RGS7: variants seen among roughly 807,000 people sequenced by gnomAD.
RGS7 encodes regulator of G-protein signaling 7.
RGS7 carries 27 observed loss-of-function variants against 81.1 expected under a neutral mutation model. The ratio of observed to expected loss-of-function variants is 0.33; its 90% CI spans 0.25 to 0.46. The LOEUF (loss-of-function observed/expected upper bound fraction) is 0.46, where lower values mean the gene tolerates loss of function less well. RGS7 is among the 20% of genes least tolerant of loss of function. The pLI, the probability that RGS7 is intolerant of heterozygous loss-of-function variation, is 1.00. For missense variants in RGS7, 396 were observed against 607.4 expected, an observed-to-expected ratio of 0.65 and a Z score of 3.66; for synonymous variants, 208 against 207.7, an observed-to-expected ratio of 1.00 and a Z score of -0.01.
chr1:241,199,740 CTA>C (rs1373375882), intron 2 of RGS7, among the ~76,000 whole-genome samples: 1 of 150,598 alleles, frequency 6.6e-6, no homozygotes, highest in African/African-American at 2.4e-5. Flanking sequence ...CAGATATCTA[CTA>C]TGTTTCTCTA....
At chr1:241,166,372 A>G (rs1047171966) in intron 2 of RGS7, among the ~76,000 whole-genome samples, 2 of 152,180 alleles carry the variant, frequency 1.3e-5, no homozygotes, top group African/African-American at 4.8e-5. Flanking sequence ...ATGTAATAAG[A>G]TAAGATTGAA....
At chr1:241,261,085 A>T (rs79903442) in intron 2 of RGS7, among the ~76,000 whole-genome samples, 1 of 152,134 alleles carries the variant, frequency 6.6e-6, no homozygotes, top group Non-Finnish European at 1.5e-5. Context: ...TTAAAAAAAA[A>T]TTAAAACAAA....
At chr1:241,292,832 A>T (rs749676440) in intron 2 of RGS7, among the ~76,000 whole-genome samples, 10 of 152,230 alleles carry the variant, frequency 6.6e-5, no homozygotes, top group Non-Finnish European at 1.3e-4. Context: ...CACAGAAACA[A>T]TTATTCTGAA....
intron 2 of RGS7, among the ~76,000 whole-genome samples, chr1:241,339,570 T>G (rs79772908): frequency 0.036 from 5,480 of 152,266 alleles, 352 homozygotes; most frequent in African/African-American, 0.12. Flanking sequence ...AAGCTAATTT[T>G]TCTGTAGCAA....
At chr1:241,300,670 A>C (rs1454142022) in intron 2 of RGS7, among the ~76,000 whole-genome samples, 1 of 152,228 alleles carries the variant, frequency 6.6e-6, no homozygotes, top group African/African-American at 2.4e-5. Context: ...CCACTAAAAG[A>C]CATTTTGGTT....
At chr1:241,350,116 G>A (rs747925259) in intron 2 of RGS7, among the ~76,000 whole-genome samples, 38 of 152,068 alleles carry the variant, frequency 2.5e-4, no homozygotes, top group East Asian at 1.9e-4. Context: ...AACTGGCAAG[G>A]AAAGAGCTCA....
intron 2 of RGS7, among the ~76,000 whole-genome samples, chr1:241,229,500 A>C (rs979557880): frequency 1.3e-5 from 2 of 152,194 alleles, no homozygotes; most frequent in African/African-American, 4.8e-5. Context: ...ATCCGGTGCC[A>C]TCTGTCTGTG....
chr1:241,275,479 T>C (rs183727535), intron 2 of RGS7, among the ~76,000 whole-genome samples: 73 of 152,328 alleles, frequency 4.8e-4, no homozygotes, highest in African/African-American at 1.7e-3. Flanking sequence ...TGGCATCCTA[T>C]GGTAGGATCC....
intron 2 of RGS7, among the ~76,000 whole-genome samples, chr1:241,267,304 C>T (rs1229427665): frequency 6.6e-6 from 1 of 152,204 alleles, no homozygotes; most frequent in Non-Finnish European, 1.5e-5. Context: ...TAGATGACTG[C>T]ACCTGATTAC....
chr1:241,223,049 T>G (rs1260930322), intron 2 of RGS7, among the ~76,000 whole-genome samples: 1 of 152,218 alleles, frequency 6.6e-6, no homozygotes, highest in African/African-American at 2.4e-5. Flanking sequence ...CACATTTTCT[T>G]TATCCAGTCT....
intron 4 of RGS7, among the ~76,000 whole-genome samples, chr1:240,975,432 C>T (rs202010996): frequency 6.8e-6 from 1 of 147,990 alleles, no homozygotes; most frequent in Non-Finnish European, 1.5e-5. Context: ...AACAAAAAAA[C>T]ACAGAAATGC....
intron 4 of RGS7, among the ~76,000 whole-genome samples, chr1:240,970,889 G>A (rs1338356939): frequency 1.3e-5 from 2 of 152,136 alleles, no homozygotes; most frequent in African/African-American, 4.8e-5. Context: ...TGAGACAGGA[G>A]AATTCCTTGA....
chr1:240,907,153 G>C (rs957140829), intron 6 of RGS7, among the ~76,000 whole-genome samples: 3 of 152,092 alleles, frequency 2.0e-5, no homozygotes, highest in Non-Finnish European at 4.4e-5. Context: ...CATGACTAAA[G>C]AAAGTCAAGG....
intron 2 of RGS7, among the ~76,000 whole-genome samples, chr1:241,296,015 T>A (rs748745278): frequency 4.6e-5 from 7 of 152,210 alleles, no homozygotes; most frequent in Non-Finnish European, 1.0e-4. Context: ...TTCGAACATG[T>A]TGAGCTTAAA....
intron 2 of RGS7, among the ~76,000 whole-genome samples, chr1:241,194,851 G>A (rs80310869): frequency 0.013 from 2,041 of 152,260 alleles, 76 homozygotes; most frequent in East Asian, 0.08. Flanking sequence ...TTTAAAAGTC[G>A]CACTGAGAAG....
At chr1:241,019,510 C>T (rs1400415217) in intron 3 of RGS7, among the ~76,000 whole-genome samples, 18 of 151,950 alleles carry the variant, frequency 1.2e-4, no homozygotes, top group Non-Finnish European at 5.9e-5. Context: ...TCCCCCAGCT[C>T]CCCACCCCGC....
At chr1:240,991,362 T>C (rs1391516808) in intron 3 of RGS7, among the ~76,000 whole-genome samples, 2 of 152,158 alleles carry the variant, frequency 1.3e-5, no homozygotes, top group Non-Finnish European at 1.5e-5. Context: ...AATGAGGAGA[T>C]AAAAGGTAAT....
chr1:241,014,259 C>T (rs939228164), intron 3 of RGS7, among the ~76,000 whole-genome samples: 3 of 152,062 alleles, frequency 2.0e-5, no homozygotes, highest in Non-Finnish European at 4.4e-5. Context: ...GTCCCATGGT[C>T]GATTCTATAA....
intron 6 of RGS7, among the ~76,000 whole-genome samples, chr1:240,924,382 C>G (rs1001638129): frequency 6.6e-6 from 1 of 152,174 alleles, no homozygotes; most frequent in Non-Finnish European, 1.5e-5. Flanking sequence ...ACCTTCACAA[C>G]ATACTGGAGA....
Sources: allele counts gnomAD v4.1 joint callset (sites outside exome capture counted in the v4.1 genomes callset), GRCh38; gene constraint gnomAD v4.1.1; transcripts MANE v1.5; gene names NCBI Gene and HGNC (gene_info 2026-07-23, HGNC 2026-07-21).